Variants in KRT79 observed in about 807,000 individuals in gnomAD.
The protein encoded by KRT79 is keratin 79, also known as keratin, type II cytoskeletal 79.
In KRT79, 51 loss-of-function variants were observed where a neutral mutation model predicts 49.0. That is an observed-to-expected ratio of 1.04 (90% CI 0.83 to 1.31). KRT79 has a LOEUF of 1.31. Ranked by LOEUF, KRT79 falls within the 40% of genes most tolerant of loss-of-function variation. The pLI is 0.00. For missense variants in KRT79, 728 were observed against 688.0 expected (o/e 1.06, Z -0.65); for synonymous variants, 312 against 286.6 (o/e 1.09, Z -0.90).
chr12:52,830,759 C>T (rs59799792), intron 2 of KRT79, among the ~76,000 whole-genome samples: 2,138 of 152,246 alleles, frequency 0.014, 48 homozygotes, highest in African/African-American at 0.048. Context: ...GTTATAAATA[C>T]GCATATCAAC....
chr12:52,830,081 T>C lies in KRT79; in HGVS notation c.797A>G (p.His266Arg), dbSNP rs17688672. ...DAAYMGRMDL[H>R]GKVGTLTQEI... ...CTGGGTCAAGGTGCCCACTTTGCCA[T>C]GCAGATCCATCCGGCCCATGTATGC... The change falls in exon 4 of 9, where the codon CAT becomes CGT. Residue 266 changes from histidine (H) to arginine (R), a missense_variant. Coordinates refer to ENST00000330553, the MANE Select transcript of KRT79 (RefSeq NM_175834.3). The C allele has an allele frequency of 3.5e-3, 5,635 of 1,614,150 alleles. 20 individuals carry two copies. Among genetic ancestry groups the C allele is most frequent in the East Asian group, 5.1e-3 (230 of 44,872 alleles).
chr12:52,833,713 C>T, intron 1 of KRT79, 71 bp downstream of exon 1: 1 of 1,277,792 alleles, frequency 7.8e-7, no homozygotes, highest in South Asian at 1.2e-5. Context: ...GCAGCCCTGG[C>T]CCAGCCCACC....
chr12:52,824,081 T>A (rs905304933), intron 5 of KRT79, 69 bp from the exon 6 acceptor site: 180 of 1,612,862 alleles, frequency 1.1e-4, no homozygotes, highest in Non-Finnish European at 9.9e-5. Flanking sequence ...GGAGGCCCCA[T>A]GCAAGTTGAG....
intron 4 of KRT79, among the ~76,000 whole-genome samples, chr12:52,826,833 A>T (rs533961622): frequency 1.3e-5 from 2 of 152,172 alleles, no homozygotes; most frequent in South Asian, 4.2e-4. Context: ...CCAAAACCAG[A>T]TCATGGCATT....
rs1394735059 is a variant in KRT79, at chr12:52,834,180, G to A, written c.81C>T (p.Ser27=). ...SSNSASGGSG[S]QARTSFSSVT... ...CTGAGCTGAAGCTGGTGCGGGCCTG[G>A]GACCCACTCCCTCCGCTGGCAGAGT... Residue 27 remains serine (S), a synonymous_variant, in exon 1 of 9, where the codon TCC becomes TCT. Transcript: ENST00000330553. 6.2e-7 allele frequency: 1 copy of A among 1,613,822 alleles called. No individual in the cohort carries two copies. Among genetic ancestry groups the A allele is most frequent in the African/African-American group, 1.3e-5 (1 of 75,048 alleles).
rs144957826 is a variant in KRT79, at chr12:52,824,353, G to A, written c.865C>T (p.Gln289Ter). ...LQQLYEMELSQVQTHVSNTNV... is the reference protein window; with the variant it reads ...LQQLYEMELS ...GTGTTAGACACGTGGGTCTGCACTT[G>A]GCTCAGCTCCTGAAGAATCAGAGAC... The change falls in exon 5 of 9, where the codon CAA (glutamine) becomes TAA (stop). Residue 289 changes from glutamine (Q) to a stop codon, truncating the protein, a stop_gained. Coordinates refer to ENST00000330553, the MANE Select transcript of KRT79 (RefSeq NM_175834.3). LOFTEE classifies it high-confidence loss of function. 4 of 1,613,838 alleles carry A rather than the reference G, an allele frequency of 2.5e-6. No individual in the cohort carries two copies. The African/African-American group carries it at 4.0e-5, about 16-fold the overall frequency.
At chr12:52,822,797 C>T (rs1940112739) in intron 7 of KRT79, among the ~76,000 whole-genome samples, 3 of 152,166 alleles carry the variant, frequency 2.0e-5, no homozygotes, top group Admixed American at 6.5e-5. Flanking sequence ...AGTTCCATTC[C>T]TACCGGGCTG....
Position 52,823,881 on chromosome 12 carries a change from T to C in KRT79, c.1146+6A>G. On this transcript the variant is annotated splice_donor_region_variant and intron_variant, in intron 6 of 8. Transcript: ENST00000330553. The stretch of plus-strand genomic sequence containing the variant: ...CCAGACCCCCAAGCCCCCAGTAGAG[T>C]CCCACCTGCTTCTTGGCTGCATCAG... The C allele has an allele frequency of 6.2e-7, 1 of 1,611,916 alleles. No homozygotes were observed. The highest frequency in any genetic ancestry group is 8.5e-7 in the Non-Finnish European group (1 of 1,179,474).
chr12:52,826,575 A>G (rs530060228), intron 4 of KRT79, among the ~76,000 whole-genome samples: 13 of 152,046 alleles, frequency 8.6e-5, no homozygotes, highest in African/African-American at 3.1e-4. Context: ...TCAGAGCAGA[A>G]AGAGCTCTGT....
At position 52,822,474 on chromosome 12, in the gene KRT79, CAG is replaced by C. The variant is rs535670718; in HGVS notation, c.1368-97_1368-96del. On this transcript the variant is annotated intron_variant, in intron 7 of 8. Coordinates refer to ENST00000330553, the MANE Select transcript of KRT79 (RefSeq NM_175834.3). ...CCTCTGCCTTTACATTGGATCCACT[CAG>C]TGAATCCTGATGACAAGACCAGGAA... The C allele has an allele frequency of 9.8e-3, 7,879 of 802,366 alleles. 47 individuals carry two copies. The highest frequency in any genetic ancestry group is 0.031 in the Middle Eastern group (88 of 2,826). The allele number at this position is 802,366 out of a possible 1,614,324, so 49.7% of individuals were successfully genotyped here.
At chr12:52,824,685 C>T (rs1009556644) in intron 4 of KRT79, among the ~76,000 whole-genome samples, 3 of 152,208 alleles carry the variant, frequency 2.0e-5, no homozygotes, top group Non-Finnish European at 4.4e-5. Context: ...CCCTCTAGGC[C>T]TCAGAACACC....
At chr12:52,825,365 T>C (rs1039068235) in intron 4 of KRT79, among the ~76,000 whole-genome samples, 3 of 152,162 alleles carry the variant, frequency 2.0e-5, no homozygotes, top group Non-Finnish European at 4.4e-5. Flanking sequence ...GGAATTATAA[T>C]AGAATAATAA....
intron 4 of KRT79, among the ~76,000 whole-genome samples, chr12:52,828,506 C>G (rs1426176314): frequency 6.6e-6 from 1 of 152,150 alleles, no homozygotes; most frequent in East Asian, 1.9e-4. Flanking sequence ...CACTAATACA[C>G]TGGATAAAAG....
intron 6 of KRT79, 133 bp from the exon 7 acceptor site, chr12:52,823,369 T>G: frequency 1.3e-6 from 1 of 752,416 alleles, no homozygotes. Context: ...AAGAGAAATA[T>G]TCATCTGAAG....
intron 2 of KRT79, 63 bp downstream of exon 2, chr12:52,831,343 T>TTGGCAGGTTTCCCACTGCCCCTCC: frequency 6.7e-7 from 1 of 1,499,364 alleles, no homozygotes; most frequent in Non-Finnish European, 9.3e-7. Flanking sequence ...GGTGGCCCTC[T>TTGGCAGGTTTCCCACTGCCCCTCC]TGGCAGGTTT....
intron 4 of KRT79, 120 bp from the exon 5 acceptor site, chr12:52,824,482 A>T (rs1363327846): frequency 1.0e-6 from 1 of 966,932 alleles, no homozygotes; most frequent in African/African-American, 1.6e-5. Flanking sequence ...TCCAGGCTCC[A>T]GCCTAGAGCA....
chr12:52,826,653 A>G (rs1354730645), intron 4 of KRT79, among the ~76,000 whole-genome samples: 1 of 152,072 alleles, frequency 6.6e-6, no homozygotes, highest in Non-Finnish European at 1.5e-5. Flanking sequence ...GGAGACTTCT[A>G]GGCAAGGGTA....
intron 4 of KRT79, among the ~76,000 whole-genome samples, chr12:52,829,236 C>A (rs371361495): frequency 2.2e-4 from 34 of 152,272 alleles, no homozygotes; most frequent in African/African-American, 7.9e-4. Flanking sequence ...CCTCTTGTCT[C>A]CTGGAACCCC....
intron 1 of KRT79, among the ~76,000 whole-genome samples, chr12:52,832,375 CAA>C (rs796484819): frequency 6.6e-6 from 1 of 151,290 alleles, no homozygotes; most frequent in African/African-American, 2.4e-5. Context: ...CATTTTTTCC[CAA>C]AAAAAACTTT....
Sources: gnomAD v4.1 joint callset for allele counts (sites outside exome capture counted in the v4.1 genomes callset) on GRCh38, gnomAD v4.1.1 for gene constraint, MANE v1.5 for transcripts, NCBI Gene and HGNC (gene_info 2026-07-23, HGNC 2026-07-21) for gene names.